The following DDAH1 variants were observed in gnomAD, a reference collection of about 807,000 sequenced individuals.
DDAH1 encodes the protein dimethylarginine dimethylaminohydrolase 1.
Under a neutral mutation model 28.8 loss-of-function variants are expected in DDAH1, and 19 were observed. That is an observed-to-expected ratio of 0.66 (90% CI 0.46 to 0.97). The LOEUF (loss-of-function observed/expected upper bound fraction) is 0.97, where lower values mean the gene tolerates loss of function less well. Among genes scored for constraint, DDAH1 ranks in the 50% least tolerant of loss-of-function variants. The probability of loss-of-function intolerance (pLI) is 0.00; values close to 1 mark genes in which losing one functional copy is unlikely to be tolerated. For missense variants in DDAH1, 326 were observed against 375.9 expected (o/e 0.87, Z 1.10); for synonymous variants, 153 against 154.4 (o/e 0.99, Z 0.07).
intron 1 of DDAH1, among the ~76,000 whole-genome samples, chr1:85,454,348 T>C (rs1355880189): frequency 1.3e-5 from 2 of 152,146 alleles, no homozygotes; most frequent in Non-Finnish European, 2.9e-5. Flanking sequence ...GTTTGCTGAA[T>C]GGACAGGGGT....
At chr1:85,461,855 G>C (rs1252709084) in intron 1 of DDAH1, among the ~76,000 whole-genome samples, 1 of 152,138 alleles carries the variant, frequency 6.6e-6, no homozygotes, top group Non-Finnish European at 1.5e-5. Context: ...CATAAAAGGA[G>C]AACCAATTCC....
At chr1:85,521,413 C>T (rs1257622249) in intron 1 of DDAH1, among the ~76,000 whole-genome samples, 4 of 151,770 alleles carry the variant, frequency 2.6e-5, no homozygotes, top group East Asian at 1.9e-4. Flanking sequence ...ACTGTGGCAG[C>T]TTCTAGATGC....
intron 1 of DDAH1, among the ~76,000 whole-genome samples, chr1:85,543,431 C>T (rs763925630): frequency 1.3e-5 from 2 of 152,154 alleles, no homozygotes; most frequent in Non-Finnish European, 2.9e-5. Flanking sequence ...CAAGCAACTG[C>T]CTCCAACCCT....
chr1:85,434,954 A>C (rs926883705), intron 1 of DDAH1, among the ~76,000 whole-genome samples: 2 of 152,094 alleles, frequency 1.3e-5, no homozygotes, highest in African/African-American at 4.8e-5. Flanking sequence ...AGTATATAAT[A>C]AGTAATGATT....
At chr1:85,484,990 A>G (rs1656154455) in intron 2 of DDAH1, among the ~76,000 whole-genome samples, 1 of 152,218 alleles carries the variant, frequency 6.6e-6, no homozygotes, top group Non-Finnish European at 1.5e-5. Flanking sequence ...TTAGTAACTA[A>G]TACAGGTTAC....
chr1:85,572,857 T>C lies in DDAH1; in HGVS notation c.-123+5127A>G, dbSNP rs111282828. Among the ~76,000 whole-genome samples, 672 of 152,316 alleles carry C rather than the reference T, an allele frequency of 4.4e-3. 7 individuals are homozygous for C. The highest frequency in any genetic ancestry group is 0.016 in the African/African-American group (654 of 41,572). On this transcript the variant is annotated intron_variant, in intron 1 of 6. Transcript: ENST00000426972. Reference sequence around the variant, plus strand: ...GCCATGAGAGGTAAGCCCATTTGAGTGGTTTTTTAGATAGTCACTGGTGTC... The same window carrying C: ...GCCATGAGAGGTAAGCCCATTTGAGCGGTTTTTTAGATAGTCACTGGTGTC...
At chr1:85,538,866 G>A (rs1163684761) in intron 1 of DDAH1, among the ~76,000 whole-genome samples, 1 of 152,104 alleles carries the variant, frequency 6.6e-6, no homozygotes, top group Non-Finnish European at 1.5e-5. Flanking sequence ...CTACACTGTT[G>A]GCCAGCTTTT....
intron 1 of DDAH1, among the ~76,000 whole-genome samples, chr1:85,514,548 G>A (rs1318322559): frequency 6.8e-6 from 1 of 147,558 alleles, no homozygotes; most frequent in Non-Finnish European, 1.5e-5. Flanking sequence ...AAAAAGGCAA[G>A]GTAAATGTTT....
chr1:85,398,882 C>A (rs1651935950), intron 1 of DDAH1: 1 of 152,168 alleles, frequency 6.6e-6, no homozygotes, highest in Non-Finnish European at 1.5e-5. Flanking sequence ...AACCTGAGAT[C>A]CTTTAGTCCA....
rs371405558 is a variant in DDAH1, at chr1:85,508,810, C to T, written c.-122-12529G>A. 3.3e-5 allele frequency among the ~76,000 whole-genome samples: 5 copies of T among 152,320 alleles called. No individual in the cohort carries two copies. In the East Asian group the frequency reaches 5.8e-4, roughly 18 times the overall value. ...CTGAGGCTTGAGTAGGTAAACAAAG[C>T]GGCCAAGAAGCTCGAACTGGGTGGA... On this transcript the variant is annotated intron_variant, in intron 1 of 6. Transcript: ENST00000426972.
At chr1:85,560,553 GT>G (rs1659108420) in intron 1 of DDAH1, among the ~76,000 whole-genome samples, 1 of 151,958 alleles carries the variant, frequency 6.6e-6, no homozygotes, top group Admixed American at 6.6e-5. Context: ...ATATATTATT[GT>G]AAGGTTCTTA....
At chr1:85,369,299 G>A (rs1197636427) in intron 1 of DDAH1, among the ~76,000 whole-genome samples, 1 of 150,870 alleles carries the variant, frequency 6.6e-6, no homozygotes, top group Non-Finnish European at 1.5e-5. Context: ...ACAAGTTCTG[G>A]CCCCTAGTTG....
intron 1 of DDAH1, among the ~76,000 whole-genome samples, chr1:85,538,787 A>G (rs1187963038): frequency 6.6e-6 from 1 of 152,360 alleles, no homozygotes; most frequent in East Asian, 1.9e-4. Flanking sequence ...GTGTGTAAAG[A>G]AAGAGGTTTC....
chr1:85,341,206 C>T (rs1010177951), intron 4 of DDAH1, among the ~76,000 whole-genome samples: 1 of 152,242 alleles, frequency 6.6e-6, no homozygotes, highest in African/African-American at 2.4e-5. Context: ...TCATCCGACT[C>T]AGTATCCCTG....
intron 1 of DDAH1, among the ~76,000 whole-genome samples, chr1:85,425,824 GAGTGACTTTGGTTAAGGAC>G (rs2100622869): frequency 6.6e-6 from 1 of 152,236 alleles, no homozygotes; most frequent in African/African-American, 2.4e-5. Flanking sequence ...TGTATTAGCT[GAGTGACTTTGGTTAAGGAC>G]AGTTACTTAA....
At chr1:85,363,606 T>C (rs1006910845) in intron 1 of DDAH1, among the ~76,000 whole-genome samples, 1 of 152,224 alleles carries the variant, frequency 6.6e-6, no homozygotes, top group African/African-American at 2.4e-5. Flanking sequence ...GAGTGTGACA[T>C]GTAGATAATG....
In DDAH1 at chr1:85,551,626, T is replaced by C. The variant is rs552515926; in HGVS notation, c.-123+26358A>G. Among the ~76,000 whole-genome samples, 29 of 152,344 alleles carry C rather than the reference T, an allele frequency of 1.9e-4. No individual in the cohort carries two copies. The South Asian group carries it at 6.0e-3, about 32-fold the overall frequency. On this transcript the variant is annotated intron_variant, in intron 1 of 6. Transcript: ENST00000426972. ...GTGATACAAAGATGATAAGGAGCTT[T>C]CTGCTCCTTCAAGGGGCTCAGTCTA... is the stretch of plus-strand genomic sequence containing the variant.
In DDAH1 at chr1:85,450,266, A is replaced by G. The variant is rs1336764396; in HGVS notation, c.303+14477T>C. On this transcript the variant is annotated intron_variant, in intron 1 of 5. Transcript: ENST00000284031. ...ATGTTTTGCATGTAGTAGGCACTAAACAACAATTGCCTGTTGAATAAATAA... is the reference window on the plus strand; with the variant it reads ...ATGTTTTGCATGTAGTAGGCACTAAGCAACAATTGCCTGTTGAATAAATAA... 2.6e-5 allele frequency among the ~76,000 whole-genome samples: 4 copies of G among 152,212 alleles called. No homozygotes were observed. The East Asian group carries it at 7.7e-4, about 29-fold the overall frequency.
intron 1 of DDAH1, among the ~76,000 whole-genome samples, chr1:85,497,090 C>T: frequency 6.6e-6 from 1 of 152,150 alleles, no homozygotes; most frequent in Non-Finnish European, 1.5e-5. Context: ...CTTAACCTAA[C>T]AGAACAGCAC....
Sources: gnomAD v4.1 joint callset for allele counts (sites outside exome capture counted in the v4.1 genomes callset) on GRCh38, gnomAD v4.1.1 for gene constraint, MANE v1.5 for transcripts, NCBI Gene and HGNC (gene_info 2026-07-23, HGNC 2026-07-21) for gene names.